ETFDH: variants seen among roughly 807,000 people sequenced by gnomAD.
ETFDH encodes electron transfer flavoprotein-ubiquinone oxidoreductase, mitochondrial.
A neutral mutation model predicts 73.2 loss-of-function variants in ETFDH; 61 were observed. The observed-to-expected ratio is 0.83, with a 90% CI of 0.68 to 1.03. The LOEUF is 1.03. Among genes scored for constraint, ETFDH ranks in the 50% least tolerant of loss-of-function variants. The probability of loss-of-function intolerance (pLI) is 0.00; values close to 1 mark genes in which losing one functional copy is unlikely to be tolerated. For synonymous variants in ETFDH, 243 were observed against 253.3 expected, an observed-to-expected ratio of 0.96 and a Z score of 0.39; for missense variants, 685 against 745.0, an observed-to-expected ratio of 0.92 and a Z score of 0.94.
rs1436514087 is a variant in ETFDH at position 158,708,483 on chromosome 4, G to A, written c.1810G>A (p.Val604Met). The A allele has an allele frequency of 6.2e-7, 1 of 1,613,572 alleles. No homozygotes were observed. The change falls in exon 13 of 13, where the codon GTG (valine) becomes ATG (methionine). Residue 604 changes from valine to methionine, a missense_variant. By Grantham distance (21) the Val-to-Met change is conservative (BLOSUM62 1). Coordinates refer to ENST00000511912, the MANE Select transcript of ETFDH (RefSeq NM_004453.4). ...IKDPSQNINW[V>M]VPEGGGGPAY... is the part of the protein sequence containing the mutation. Reference sequence around the variant, plus strand: ...AGATCCAAGTCAGAATATTAACTGGGTGGTACCTGAAGGTGGAGGAGGACC... The same window carrying A: ...AGATCCAAGTCAGAATATTAACTGGATGGTACCTGAAGGTGGAGGAGGACC...
chr4:158,708,245 T>G (rs1458691975), intron 12 of ETFDH, 119 bp from the exon 13 acceptor site: 1 of 687,626 alleles, frequency 1.5e-6, no homozygotes, highest in African/African-American at 1.8e-5. Context: ...TCTCTATGGG[T>G]AAGCATTCAG....
Position 158,708,160 on chromosome 4 carries a change from T to C in ETFDH, c.1691-204T>C, listed in dbSNP as rs1774685737. Among the ~76,000 whole-genome samples the C allele has an allele frequency of 6.6e-6, 1 of 152,224 alleles. No homozygotes were observed. The highest frequency in any genetic ancestry group is 2.4e-5 in the African/African-American group (1 of 41,456). ...TTGATAGTGAGACAACTCAGCTGAATACCGCTGTACCTCCTTTTATTATGT... is the reference window on the plus strand; with the variant it reads ...TTGATAGTGAGACAACTCAGCTGAACACCGCTGTACCTCCTTTTATTATGT... On this transcript the variant is annotated intron_variant, in intron 12 of 12. Coordinates refer to ENST00000511912, the MANE Select transcript of ETFDH (RefSeq NM_004453.4).
At position 158,698,992 on chromosome 4, in the gene ETFDH, T is replaced by C; in HGVS notation, c.978T>C (p.Gly326=). 6.2e-7 allele frequency: 1 copy of C among 1,601,456 alleles called. No individual in the cohort carries two copies. Among genetic ancestry groups the C allele is most frequent in the Non-Finnish European group, 8.6e-7 (1 of 1,168,614 alleles). ...TATAAGTGTAAATTTTTAAGGTTGG[T>C]CTAGACTATCAGAATCCATACCTGA... ...EPLVALGLVV[G]LDYQNPYLSP... The change falls in exon 9 of 13, where the codon GGT becomes GGC. Residue 326 remains glycine (G), a synonymous_variant. Transcript: ENST00000511912.
intron 3 of ETFDH, 34 bp downstream of exon 3, chr4:158,682,458 C>T (rs781655668): frequency 6.7e-7 from 1 of 1,494,392 alleles, no homozygotes; most frequent in South Asian, 1.1e-5. Flanking sequence ...AAAGTCTAAT[C>T]TTTTGTAATT....
chr4:158,677,214 A>T (rs1347528926), intron 1 of ETFDH, among the ~76,000 whole-genome samples: 1 of 152,362 alleles, frequency 6.6e-6, no homozygotes, highest in East Asian at 1.9e-4. Context: ...ACCATGACCC[A>T]CGATACAGCC....
intron 5 of ETFDH, 54 bp from the exon 6 acceptor site, chr4:158,690,294 C>T: frequency 1.0e-6 from 1 of 986,262 alleles, no homozygotes; most frequent in Non-Finnish European, 1.6e-6. Context: ...CTGTTTTTTT[C>T]AAGATTATTA....
chr4:158,695,683 G>A (rs746933636), intron 7 of ETFDH, 40 bp downstream of exon 7: 1 of 1,426,626 alleles, frequency 7.0e-7, no homozygotes, highest in Non-Finnish European at 9.9e-7. Context: ...TTTGAAAGAT[G>A]GAATTTAAAT....
chr4:158,682,407 G>A lies in ETFDH; in HGVS notation c.388G>A (p.Asp130Asn). ...DPGAFKELFPDWKEKGAPLNT... is the reference protein window; with the variant it reads ...DPGAFKELFPNWKEKGAPLNT... ...AGGTGCTTTTAAAGAACTCTTCCCAGACTGGAAAGAGAAGGGGGTATGAAA... is the reference window on the plus strand; with the variant it reads ...AGGTGCTTTTAAAGAACTCTTCCCAAACTGGAAAGAGAAGGGGGTATGAAA... The change falls in exon 3 of 13, where the codon GAC becomes AAC. Residue 130 changes from aspartate to asparagine, a missense_variant. Asp to Asn is a conservative substitution (Grantham distance 23, BLOSUM62 1). This residue lies in a region of ETFDH where 405 missense variants were observed against 399.3 expected (regional missense o/e 1.01). Transcript: ENST00000511912. The A allele has an allele frequency of 6.2e-7, 1 of 1,613,904 alleles. No homozygotes were observed. The highest frequency in any genetic ancestry group is 2.2e-5 in the East Asian group (1 of 44,880).
At chr4:158,673,087 T>A (rs1380700119) in intron 1 of ETFDH, among the ~76,000 whole-genome samples, 1 of 152,226 alleles carries the variant, frequency 6.6e-6, no homozygotes, top group Non-Finnish European at 1.5e-5. Flanking sequence ...ATGGATCACC[T>A]GAGGTCAGGA....
At chr4:158,708,340 A>G (rs780393943) in intron 12 of ETFDH, 24 bp from the exon 13 acceptor site, 36 of 1,584,728 alleles carry the variant, frequency 2.3e-5, no homozygotes, top group Admixed American at 3.4e-5. Flanking sequence ...AGGCACTTCA[A>G]TATTATTTAT....
intron 3 of ETFDH, 116 bp downstream of exon 3, chr4:158,682,540 T>C: frequency 2.3e-6 from 2 of 861,724 alleles, no homozygotes; most frequent in Non-Finnish European, 3.5e-6. Context: ...CTTTTTTTTT[T>C]TTCTTTTTTT....
intron 3 of ETFDH, among the ~76,000 whole-genome samples, chr4:158,683,691 C>T (rs1323044825): frequency 6.6e-6 from 1 of 152,072 alleles, no homozygotes; most frequent in African/African-American, 2.4e-5. Flanking sequence ...GTAATCCTCC[C>T]ACCTCAGCCC....
intron 9 of ETFDH, 50 bp from the exon 10 acceptor site, chr4:158,703,373 T>A (rs537607832): frequency 7.7e-7 from 1 of 1,299,454 alleles, no homozygotes; most frequent in Admixed American, 1.7e-5. Context: ...ATTCTGTTGT[T>A]CTTGTTTAAT....
At chr4:158,676,808 G>A (rs1272614944) in intron 1 of ETFDH, among the ~76,000 whole-genome samples, 5 of 152,280 alleles carry the variant, frequency 3.3e-5, no homozygotes, top group African/African-American at 9.6e-5. Context: ...GATGGCTAAT[G>A]CTGCTGAGCA....
At chr4:158,701,523 C>T (rs1319633448) in intron 9 of ETFDH, among the ~76,000 whole-genome samples, 1 of 152,216 alleles carries the variant, frequency 6.6e-6, no homozygotes, top group African/African-American at 2.4e-5. Flanking sequence ...CTCTTACCAG[C>T]ATTCCTTCTG....
intron 3 of ETFDH, among the ~76,000 whole-genome samples, chr4:158,683,262 T>C (rs74944789): frequency 0.012 from 1,772 of 152,336 alleles, 27 homozygotes; most frequent in African/African-American, 0.038. Context: ...AGATTGTCAA[T>C]TTTTTCTTCT....
At chr4:158,672,554 TG>T in intron 1 of ETFDH, 64 bp downstream of exon 1, 1 of 1,525,650 alleles carries the variant, frequency 6.6e-7, no homozygotes, top group Non-Finnish European at 9.1e-7. Flanking sequence ...AGGCCGGTCC[TG>T]GGGGCTGTAG....
intron 1 of ETFDH, chr4:158,679,469 T>C (rs1324526214): frequency 1.3e-5 from 2 of 152,126 alleles, no homozygotes; most frequent in African/African-American, 2.4e-5. Context: ...TTGAGTACAA[T>C]CAACGGGAGA....
At chr4:158,675,603 C>CA (rs1344712878) in intron 1 of ETFDH, among the ~76,000 whole-genome samples, 4 of 151,760 alleles carry the variant, frequency 2.6e-5, no homozygotes, top group African/African-American at 7.3e-5. Context: ...TGCTTGTCTA[C>CA]AAAAAAATAG....
Sources: allele counts gnomAD v4.1 joint callset (sites outside exome capture counted in the v4.1 genomes callset), GRCh38; gene constraint gnomAD v4.1.1; regional missense constraint gnomAD v4.1.1; transcripts MANE v1.5; gene names NCBI Gene and HGNC (gene_info 2026-07-23, HGNC 2026-07-21).